The following BFSP1 variants were observed in gnomAD, a reference collection of about 807,000 sequenced individuals.
The protein encoded by BFSP1 is filensin.
BFSP1 carries 38 observed loss-of-function variants against 43.9 expected under a neutral mutation model. That is an observed-to-expected ratio of 0.87 (90% confidence interval 0.67 to 1.14). The LOEUF is 1.14. BFSP1 is among the 50% of genes most tolerant of loss of function. BFSP1 has a pLI of 0.00. For missense variants in BFSP1, 850 were observed against 875.1 expected, an observed-to-expected ratio of 0.97 and a Z score of 0.36; for synonymous variants, 352 against 354.8, an observed-to-expected ratio of 0.99 and a Z score of 0.09.
chr20:17,558,401 C>A (rs17718326), intron 1 of BFSP1, among the ~76,000 whole-genome samples: 1 of 152,170 alleles, frequency 6.6e-6, no homozygotes, highest in Non-Finnish European at 1.5e-5. Context: ...CCAGGCCTTG[C>A]GTGCTGCTCT....
At chr20:17,558,786 C>A in exon 1 of BFSP1, 8 of 1,526,222 alleles carry the variant, frequency 5.2e-6, no homozygotes, top group Admixed American at 2.1e-5. Flanking sequence ...CCCTGCCTAC[C>A]CAGGACTCCA....
At chr20:17,554,669 C>T (rs979961069) in intron 1 of BFSP1, among the ~76,000 whole-genome samples, 1 of 152,188 alleles carries the variant, frequency 6.6e-6, no homozygotes, top group East Asian at 1.9e-4. Flanking sequence ...ATATTAGATG[C>T]TTTTCCACCA....
chr20:17,526,666 C>A (rs182229599), intron 1 of BFSP1, among the ~76,000 whole-genome samples: 1 of 152,272 alleles, frequency 6.6e-6, no homozygotes, highest in African/African-American at 2.4e-5. Context: ...TCTTTCAATT[C>A]TTTTGGGTAT....
chr20:17,510,435 T>G (rs1358023824), intron 4 of BFSP1, among the ~76,000 whole-genome samples: 1 of 152,200 alleles, frequency 6.6e-6, no homozygotes, highest in East Asian at 1.9e-4. Flanking sequence ...AATTAAGGCT[T>G]CAGGAAAAGT....
chr20:17,543,550 T>C (rs1185525091), intron 1 of BFSP1, among the ~76,000 whole-genome samples: 1 of 152,202 alleles, frequency 6.6e-6, no homozygotes, highest in African/African-American at 2.4e-5. Context: ...ATTGAACTTC[T>C]TCATGTGGCT....
chr20:17,494,728 G>A lies in BFSP1; in HGVS notation c.1344C>T (p.Val448=). 1 of 1,614,068 alleles carries A rather than the reference G, an allele frequency of 6.2e-7. No individual in the cohort carries two copies. The highest frequency in any genetic ancestry group is 1.1e-5 in the South Asian group (1 of 91,064). ...CTTTGGGGCTTCTCACTTTCTCCTT[G>A]ACCTTCCTGTATAGTTTCCCAAAGC... ...SKGFGKLYRK[V]KEKVRSPKEP... is the part of the protein sequence containing the mutation. The change falls in exon 8 of 8, where the codon GTC becomes GTT. Residue 448 remains valine (V), a synonymous_variant. Transcript: ENST00000377873.
intron 1 of BFSP1, among the ~76,000 whole-genome samples, chr20:17,543,431 T>G (rs566070426): frequency 6.6e-6 from 1 of 152,320 alleles, no homozygotes; most frequent in East Asian, 1.9e-4. Flanking sequence ...TGGTGACCTT[T>G]ATTTATCACA....
chr20:17,562,287 G>GA (rs2035073703), upstream of BFSP1, among the ~76,000 whole-genome samples: 1 of 149,744 alleles, frequency 6.7e-6, no homozygotes. Flanking sequence ...CAGCACTTTG[G>GA]AGGCCAAGGC....
chr20:17,558,627 A>G (rs1218448160), intron 1 of BFSP1: 9 of 1,524,296 alleles, frequency 5.9e-6, no homozygotes, highest in Non-Finnish European at 8.0e-6. Flanking sequence ...GAGTTCTTTA[A>G]AGCAAAAAGA....
chr20:17,519,757 C>T (rs1426512584), intron 2 of BFSP1, among the ~76,000 whole-genome samples: 2 of 152,176 alleles, frequency 1.3e-5, no homozygotes, highest in African/African-American at 4.8e-5. Flanking sequence ...GATGTTTCTG[C>T]AAGCACACTG....
intron 6 of BFSP1, among the ~76,000 whole-genome samples, chr20:17,497,609 T>TATATACACAC (rs2033683342): frequency 2.7e-5 from 3 of 111,846 alleles, no homozygotes; most frequent in South Asian, 3.5e-4. Flanking sequence ...TATATATACG[T>TATATACACAC]ATATATACAT....
At chr20:17,534,024 T>TTC (rs2034590740), upstream of BFSP1, among the ~76,000 whole-genome samples, 1 of 152,220 alleles carries the variant, frequency 6.6e-6, no homozygotes, top group South Asian at 2.1e-4. Context: ...TCAGGTGCAC[T>TTC]GGGAAATGCA....
upstream of BFSP1, among the ~76,000 whole-genome samples, chr20:17,534,688 G>A (rs995186496): frequency 1.3e-5 from 2 of 152,190 alleles, no homozygotes; most frequent in African/African-American, 2.4e-5. Context: ...CTATGAAAAT[G>A]TTCCAGATTA....
At chr20:17,557,811 A>C (rs1651428214) in intron 1 of BFSP1, among the ~76,000 whole-genome samples, 1 of 152,206 alleles carries the variant, frequency 6.6e-6, no homozygotes, top group Non-Finnish European at 1.5e-5. Context: ...CTCTGTTAAT[A>C]AACCTGTTAT....
upstream of BFSP1, among the ~76,000 whole-genome samples, chr20:17,562,250 G>C (rs577469112): frequency 6.9e-6 from 1 of 144,914 alleles, no homozygotes; most frequent in African/African-American, 2.5e-5. Flanking sequence ...ATCCCAGGCC[G>C]GGAGCGATGG....
chr20:17,504,902 A>G (rs73900876), intron 5 of BFSP1, among the ~76,000 whole-genome samples: 5,962 of 142,602 alleles, frequency 0.042, 411 homozygotes, highest in African/African-American at 0.14. Flanking sequence ...CTTTAGGTGT[A>G]AGGTTTTTTT....
intron 1 of BFSP1, among the ~76,000 whole-genome samples, chr20:17,528,635 GT>G (rs2034470324): frequency 6.6e-6 from 1 of 152,138 alleles, no homozygotes. Flanking sequence ...GAAAACCCAG[GT>G]TCAAGTTCTG....
chr20:17,510,659 A>T (rs1399339713), intron 4 of BFSP1, among the ~76,000 whole-genome samples: 2 of 152,182 alleles, frequency 1.3e-5, no homozygotes, highest in African/African-American at 4.8e-5. Context: ...TTAAGACGAA[A>T]AAGTTCAGGC....
intron 1 of BFSP1, among the ~76,000 whole-genome samples, chr20:17,551,027 GT>G (rs371767077): frequency 4.8e-4 from 73 of 152,312 alleles, no homozygotes; most frequent in African/African-American, 1.7e-3. Context: ...GAGGTAGGCA[GT>G]TCAGGGCGAG....
Sources: allele counts gnomAD v4.1 joint callset (sites outside exome capture counted in the v4.1 genomes callset), GRCh38; gene constraint gnomAD v4.1.1; transcripts MANE v1.5; gene names NCBI Gene and HGNC (gene_info 2026-07-23, HGNC 2026-07-21).